The following MMEL1 variants were observed in gnomAD, a reference collection of about 807,000 sequenced individuals.
The protein encoded by MMEL1 is membrane metalloendopeptidase like 1.
MMEL1 carries 98 observed loss-of-function variants against 117.1 expected under a neutral mutation model. That is an observed-to-expected ratio of 0.84 (90% CI 0.71 to 0.99). The LOEUF (loss-of-function observed/expected upper bound fraction) is 0.99. MMEL1 is among the 50% of genes least tolerant of loss of function. The pLI is 0.00. For missense variants in MMEL1, 1,014 were observed against 1,049.1 expected, an observed-to-expected ratio of 0.97 and a Z score of 0.46; for synonymous variants, 390 against 415.1, an observed-to-expected ratio of 0.94 and a Z score of 0.74.
At chr1:2,606,703 T>C (rs1645034641) in intron 7 of MMEL1, among the ~76,000 whole-genome samples, 1 of 152,012 alleles carries the variant, frequency 6.6e-6, no homozygotes, top group Admixed American at 6.5e-5. Context: ...GGCTGGGGCC[T>C]GAGTGTCGAG....
At chr1:2,619,364 G>T (rs903093111) in intron 2 of MMEL1, among the ~76,000 whole-genome samples, 1 of 152,166 alleles carries the variant, frequency 6.6e-6, no homozygotes, top group Non-Finnish European at 1.5e-5. Flanking sequence ...GCTTCAAAAA[G>T]AATCAAAACT....
At position 2,605,579 on chromosome 1, in the gene MMEL1, G is replaced by T. The variant is rs1474262333; in HGVS notation, c.795C>A (p.Phe265Leu). The change falls in exon 9 of 24, where the codon TTC becomes TTA. Residue 265 changes from phenylalanine to leucine, a missense_variant. Transcript: ENST00000378412. The part of the protein sequence containing the change: ...TLGMPSREYY[F>L]NGGSNRKVRE... ...CCACCTTCCGGTTGCTGCCGCCGTT[G>T]AAGTAGTACTCTCGGGAGGGCATGC... The T allele has an allele frequency of 1.2e-6, 2 of 1,612,980 alleles. No homozygotes were observed. Among genetic ancestry groups the T allele is most frequent in the African/African-American group, 2.7e-5 (2 of 74,914 alleles).
rs745884544 is a variant in MMEL1, at chr1:2,605,513, G to A, written c.816+45C>T. ...CGGGAAGGCCAGACCACGGGGTAGG[G>A]GGTGATGGGGGGGTCATCTGGCATT... On this transcript the variant is annotated intron_variant, in intron 9 of 23. Coordinates refer to ENST00000378412, the MANE Select transcript of MMEL1 (RefSeq NM_033467.4). 58 of 1,562,110 alleles carry A rather than the reference G, an allele frequency of 3.7e-5. 1 individual carries two copies. In the South Asian group the frequency reaches 6.2e-4, roughly 17 times the overall value.
Position 2,596,057 on chromosome 1 carries a change from G to A in MMEL1, c.1452C>T (p.Asp484=), listed in dbSNP as rs778261860. Residue 484 remains aspartate, a synonymous_variant, in exon 15 of 24, where the codon GAC becomes GAT. Transcript: ENST00000378412. ...KVRTVFVETL[D]ELGWMDEESK... ...ACTCCTCGTCCATCCAGCCCAGCTC[G>A]TCCAGCGTCTCCACAAACACTGTCC... 4.0e-5 allele frequency: 65 copies of A among 1,613,994 alleles called. No individual in the cohort carries two copies. The highest frequency in any genetic ancestry group is 8.3e-5 in the Admixed American group (5 of 60,010).
chr1:2,614,382 A>T (rs1192586247), intron 2 of MMEL1, among the ~76,000 whole-genome samples: 2 of 152,208 alleles, frequency 1.3e-5, no homozygotes, highest in East Asian at 3.8e-4. Context: ...CCTACATGGG[A>T]TCCCAGCTGA....
chr1:2,599,856 C>CAAAAA (rs150372081), intron 11 of MMEL1, among the ~76,000 whole-genome samples: 4 of 126,494 alleles, frequency 3.2e-5, no homozygotes, highest in Non-Finnish European at 6.4e-5. Flanking sequence ...GACTTTGTCT[C>CAAAAA]AAAAAAAAAA....
chr1:2,603,837 G>A (rs1390313353), intron 11 of MMEL1, 47 bp downstream of exon 11: 14 of 1,565,496 alleles, frequency 8.9e-6, no homozygotes, highest in African/African-American at 1.4e-5. Context: ...TGTCCCCCAC[G>A]AGTCTCCACC....
chr1:2,618,889 G>A (rs780335360), intron 2 of MMEL1, among the ~76,000 whole-genome samples: 5 of 152,222 alleles, frequency 3.3e-5, no homozygotes, highest in Non-Finnish European at 7.3e-5. Context: ...GATCCAGAAC[G>A]TATGGAAGCT....
chr1:2,598,892 A>G, intron 11 of MMEL1, 102 bp from the exon 12 acceptor site: 1 of 986,212 alleles, frequency 1.0e-6, no homozygotes, highest in South Asian at 1.7e-5. Flanking sequence ...TGTTCAAGGA[A>G]TAAGAGAGAA....
chr1:2,600,427 G>A (rs1379304113), intron 11 of MMEL1, among the ~76,000 whole-genome samples: 4 of 152,166 alleles, frequency 2.6e-5, no homozygotes, highest in South Asian at 2.1e-4. Flanking sequence ...GACCAGGTGC[G>A]GTGGCTCATG....
chr1:2,607,029 G>C lies in MMEL1; in HGVS notation c.576C>G (p.Ile192Met). ...CCGGCCAGCCTCCCACCACCTCCAA[G>C]ATGTCCAGCAGGGGCTGAGAGCCTC... ...EKRGSQPLLDILEVVGGWPVA... is the reference protein window; with the variant it reads ...EKRGSQPLLDMLEVVGGWPVA... Residue 192 changes from isoleucine to methionine, a missense_variant, in exon 7 of 24, where the codon ATC (isoleucine) becomes ATG (methionine). Physicochemically the swap from Ile to Met is conservative, Grantham distance 10 (BLOSUM62 1). Coordinates refer to ENST00000378412, the MANE Select transcript of MMEL1 (RefSeq NM_033467.4). 1 of 1,613,472 alleles carries C rather than the reference G, an allele frequency of 6.2e-7. No homozygotes were observed. The highest frequency in any genetic ancestry group is 8.5e-7 in the Non-Finnish European group (1 of 1,179,988).
intron 2 of MMEL1, among the ~76,000 whole-genome samples, chr1:2,626,253 T>G (rs1035989805): frequency 1.1e-4 from 16 of 152,116 alleles, no homozygotes; most frequent in Admixed American, 6.5e-4. Flanking sequence ...GGAAGAGGTA[T>G]GTGGATTGAG....
At chr1:2,594,558 C>T in intron 17 of MMEL1, 115 bp from the exon 18 acceptor site, 1 of 1,298,766 alleles carries the variant, frequency 7.7e-7, no homozygotes, top group Non-Finnish European at 1.1e-6. Flanking sequence ...AGGGCCCAGG[C>T]CTATCCCAAG....
intron 12 of MMEL1, 116 bp downstream of exon 12, chr1:2,598,538 C>A (rs1644882686): frequency 1.3e-6 from 2 of 1,500,848 alleles, no homozygotes. Flanking sequence ...ATGTCCCACA[C>A]CCCTCAGGGC....
In MMEL1 at chr1:2,614,850, T is replaced by C. The variant is rs1480811565; in HGVS notation, c.155-2646A>G. On this transcript the variant is annotated intron_variant, in intron 2 of 23. Transcript: ENST00000378412. Reference sequence around the variant, plus strand: ...GATTATACAACTGGGGTAGGAAACATACGAGATGAGCTTGGAGCATGTTGA... The same window carrying C: ...GATTATACAACTGGGGTAGGAAACACACGAGATGAGCTTGGAGCATGTTGA... Among the ~76,000 whole-genome samples the C allele has an allele frequency of 2.0e-5, 3 of 151,128 alleles. No homozygotes were observed. The East Asian group carries it at 5.8e-4, about 29-fold the overall frequency.
intron 6 of MMEL1, among the ~76,000 whole-genome samples, chr1:2,608,515 A>G (rs12045263): frequency 6.9e-6 from 1 of 144,306 alleles, no homozygotes; most frequent in Non-Finnish European, 1.5e-5. Context: ...CACATAACAC[A>G]TATACACACA....
At chr1:2,611,165 ACCGC>A in intron 4 of MMEL1, 112 bp downstream of exon 4, 1 of 1,074,558 alleles carries the variant, frequency 9.3e-7, no homozygotes. Context: ...ACCCGGCTCC[ACCGC>A]CCGCCGTGTC....
intron 9 of MMEL1, among the ~76,000 whole-genome samples, chr1:2,604,573 G>T (rs1194669216): frequency 1.3e-5 from 2 of 152,156 alleles, no homozygotes; most frequent in African/African-American, 4.8e-5. Flanking sequence ...CTCAGTGCTG[G>T]GGTTGGGGTG....
chr1:2,605,482 G>A lies in MMEL1; in HGVS notation c.816+76C>T, dbSNP rs1645007504. 3 of 1,298,148 alleles carry A rather than the reference G, an allele frequency of 2.3e-6. No homozygotes were observed. In the African/African-American group the frequency reaches 4.4e-5, roughly 19 times the overall value. The allele number at this position is 1,298,148 out of a possible 1,614,324, so 80.4% of individuals were successfully genotyped here. On this transcript the variant is annotated intron_variant, in intron 9 of 23. Transcript: ENST00000378412. ...CAGCTTCGGGGAGGGAAGGCCAGGT[G>A]GGCAACGGGAAGGCCAGACCACGGG...
Sources: allele counts gnomAD v4.1 joint callset (sites outside exome capture counted in the v4.1 genomes callset), GRCh38; gene constraint gnomAD v4.1.1; transcripts MANE v1.5; gene names NCBI Gene and HGNC (gene_info 2026-07-23, HGNC 2026-07-21).